The following SIK2 variants were observed in gnomAD, a reference collection of about 807,000 sequenced individuals.
The protein encoded by SIK2 is salt inducible kinase 2, also known as serine/threonine-protein kinase SIK2.
A neutral mutation model predicts 103.2 loss-of-function variants in SIK2; 29 were observed. That is an observed-to-expected ratio of 0.28 (90% CI 0.21 to 0.38). The LOEUF (loss-of-function observed/expected upper bound fraction) is 0.38, where lower values mean the gene tolerates loss of function less well. SIK2 is among the 10% of genes least tolerant of loss of function. The pLI, the probability that SIK2 is intolerant of heterozygous loss-of-function variation, is 1.00. For synonymous variants in SIK2, 412 were observed against 446.1 expected, an observed-to-expected ratio of 0.92 and a Z score of 0.96; for missense variants, 879 against 1,171.0, an observed-to-expected ratio of 0.75 and a Z score of 3.64.
chr11:111,607,789 T>C (rs371466683), intron 1 of SIK2, among the ~76,000 whole-genome samples: 97 of 152,336 alleles, frequency 6.4e-4, no homozygotes, highest in Admixed American at 1.0e-3. Flanking sequence ...CTGCTCTTTT[T>C]TGGGAGTGGG....
At chr11:111,667,647 C>G (rs1415339081) in intron 3 of SIK2, among the ~76,000 whole-genome samples, 1 of 151,848 alleles carries the variant, frequency 6.6e-6, no homozygotes, top group African/African-American at 2.4e-5. Flanking sequence ...ATGTGCCCAC[C>G]ACGTCCGGCT....
At chr11:111,665,986 C>A (rs771754118) in intron 3 of SIK2, among the ~76,000 whole-genome samples, 1 of 152,152 alleles carries the variant, frequency 6.6e-6, no homozygotes, top group Non-Finnish European at 1.5e-5. Flanking sequence ...TTGGAGAGTT[C>A]CAGGCAGTAG....
intron 8 of SIK2, among the ~76,000 whole-genome samples, chr11:111,708,275 G>A (rs900240154): frequency 1.3e-5 from 2 of 152,076 alleles, no homozygotes; most frequent in Non-Finnish European, 1.5e-5. Flanking sequence ...CCAGCTATGC[G>A]GGAGGCTGAG....
At chr11:111,680,488 C>T (rs961167882) in intron 3 of SIK2, among the ~76,000 whole-genome samples, 3 of 151,890 alleles carry the variant, frequency 2.0e-5, no homozygotes, top group Non-Finnish European at 4.4e-5. Context: ...AATTACAAAC[C>T]GATGAAATTA....
At chr11:111,655,496 A>T (rs1033175119) in intron 3 of SIK2, among the ~76,000 whole-genome samples, 1 of 152,248 alleles carries the variant, frequency 6.6e-6, no homozygotes, top group Non-Finnish European at 1.5e-5. Context: ...AGGTCAGGCA[A>T]TATCAGTAAT....
rs1445851535 is a variant in SIK2 at position 111,705,226 on chromosome 11, A to T, written c.1101+87A>T. Reference sequence around the variant, plus strand: ...TTTTCATCTTATACACAGGGTTAGGATTTCATCCTCTACACTCCGTTTTTC... The same window carrying T: ...TTTTCATCTTATACACAGGGTTAGGTTTTCATCCTCTACACTCCGTTTTTC... On this transcript the variant is annotated intron_variant, in intron 8 of 14. Coordinates refer to ENST00000304987, the MANE Select transcript of SIK2 (RefSeq NM_015191.3). This position sits in a 1 kb window ranked among gnomAD's most constrained non-coding sequence, Gnocchi z 4.3. The T allele has an allele frequency of 3.0e-6, 4 of 1,346,780 alleles. No homozygotes were observed. The Admixed American group carries it at 1.0e-4, about 35-fold the overall frequency. The allele number at this position is 1,346,780 out of a possible 1,614,324, so 83.4% of individuals were successfully genotyped here.
chr11:111,681,120 T>C (rs982729766), intron 3 of SIK2, among the ~76,000 whole-genome samples: 6 of 152,240 alleles, frequency 3.9e-5, no homozygotes, highest in Non-Finnish European at 7.3e-5. Context: ...TCAAATATCA[T>C]TGGCAAATTT....
chr11:111,620,689 C>T (rs917629700), intron 3 of SIK2, among the ~76,000 whole-genome samples: 2 of 152,056 alleles, frequency 1.3e-5, no homozygotes, highest in Non-Finnish European at 2.9e-5. Flanking sequence ...TTTTTATCTT[C>T]CTTTTTACCT....
At chr11:111,624,775 T>C (rs1185667161) in intron 3 of SIK2, among the ~76,000 whole-genome samples, 1 of 152,158 alleles carries the variant, frequency 6.6e-6, no homozygotes, top group East Asian at 1.9e-4. Context: ...TTGGGAGGCA[T>C]GGGAGTTGAT....
At chr11:111,643,571 G>A (rs1197460256) in intron 3 of SIK2, among the ~76,000 whole-genome samples, 1 of 152,090 alleles carries the variant, frequency 6.6e-6, no homozygotes, top group Non-Finnish European at 1.5e-5. Context: ...AACATTTTGG[G>A]AGGCCGAGAC....
intron 3 of SIK2, among the ~76,000 whole-genome samples, chr11:111,647,455 C>G (rs1300591745): frequency 6.7e-6 from 1 of 149,458 alleles, no homozygotes; most frequent in Non-Finnish European, 1.5e-5. Context: ...AATCCCACAT[C>G]TACAAAAAAT....
chr11:111,716,299 C>T (rs1456939847), intron 9 of SIK2, among the ~76,000 whole-genome samples: 5 of 152,212 alleles, frequency 3.3e-5, no homozygotes, highest in African/African-American at 1.2e-4. Context: ...GGATATACAT[C>T]TGGCCAGGTG....
chr11:111,646,275 C>A (rs1453214475), intron 3 of SIK2, among the ~76,000 whole-genome samples: 1 of 152,034 alleles, frequency 6.6e-6, no homozygotes, highest in African/African-American at 2.4e-5. Context: ...TATAGTGAAA[C>A]CGCATCTCTA....
chr11:111,672,227 C>A, intron 3 of SIK2: 1 of 387,822 alleles, frequency 2.6e-6, no homozygotes, highest in South Asian at 2.5e-5. Context: ...CTCAGCATAG[C>A]CTCCACTCAG....
chr11:111,718,528 C>G (rs1178414146), intron 9 of SIK2, among the ~76,000 whole-genome samples: 1 of 152,208 alleles, frequency 6.6e-6, no homozygotes, highest in Non-Finnish European at 1.5e-5. Context: ...CGAGTGAGGG[C>G]TATAGCCCAG....
chr11:111,715,271 T>G (rs192485970), intron 9 of SIK2, among the ~76,000 whole-genome samples: 5 of 152,228 alleles, frequency 3.3e-5, no homozygotes, highest in African/African-American at 1.2e-4. Context: ...CCCTCTTCCC[T>G]CCCTAAGACC....
intron 3 of SIK2, among the ~76,000 whole-genome samples, chr11:111,621,888 G>A (rs1469515682): frequency 1.3e-5 from 2 of 151,806 alleles, no homozygotes; most frequent in African/African-American, 4.8e-5. Flanking sequence ...ACTTTAGCCT[G>A]GGCAACAGAG....
intron 9 of SIK2, 87 bp from the exon 10 acceptor site, chr11:111,719,688 C>T (rs534135183): frequency 3.1e-5 from 40 of 1,289,770 alleles, no homozygotes; most frequent in South Asian, 1.6e-4. Flanking sequence ...ATTTCTAGTT[C>T]GCCACAAGTC....
intron 3 of SIK2, among the ~76,000 whole-genome samples, chr11:111,633,613 TC>T (rs1370594130): frequency 2.0e-5 from 3 of 152,194 alleles, no homozygotes; most frequent in Non-Finnish European, 4.4e-5. Flanking sequence ...AAAATTGGCT[TC>T]CTCCAGTATA....
Sources: allele counts gnomAD v4.1 joint callset (sites outside exome capture counted in the v4.1 genomes callset), GRCh38; gene constraint gnomAD v4.1.1; non-coding constraint Gnocchi (gnomAD v3.1); transcripts MANE v1.5; gene names NCBI Gene and HGNC (gene_info 2026-07-23, HGNC 2026-07-21).